Variants in NUDT7 observed in about 807,000 individuals in gnomAD.
NUDT7 encodes nudix hydrolase 7.
A neutral mutation model predicts 13.1 loss-of-function variants in NUDT7; 19 were observed. The observed-to-expected ratio is 1.45, with a 90% confidence interval of 1.01 to 2.13. The LOEUF is 2.13. NUDT7 is among the 30% of genes most tolerant of loss of function. The pLI is 0.00. For synonymous variants in NUDT7, 132 were observed against 109.7 expected (o/e 1.20, Z -1.27); for missense variants, 360 against 291.7 (o/e 1.23, Z -1.71).
chr16:77,739,281 G>T (rs1269288185), intron 3 of NUDT7, among the ~76,000 whole-genome samples: 2 of 152,318 alleles, frequency 1.3e-5, no homozygotes, highest in East Asian at 3.9e-4. Flanking sequence ...TGTGCTGCTG[G>T]TTGGCCATTT....
At chr16:77,737,448 T>C (rs2014521852) in intron 3 of NUDT7, 1 of 152,082 alleles carries the variant, frequency 6.6e-6, no homozygotes, top group African/African-American at 2.4e-5. Flanking sequence ...TCACACAGTA[T>C]CAGAGGTAGG....
intron 1 of NUDT7, 149 bp downstream of exon 1, chr16:77,722,766 G>A (rs999717697): frequency 2.8e-5 from 20 of 722,022 alleles, no homozygotes; most frequent in Non-Finnish European, 4.6e-5. Context: ...CTCGCCTCCA[G>A]CAACCCGCAG....
intron 3 of NUDT7, among the ~76,000 whole-genome samples, chr16:77,738,252 G>C (rs2014550945): frequency 6.6e-6 from 1 of 151,766 alleles, no homozygotes; most frequent in South Asian, 2.1e-4. Context: ...CTGTTCCCAA[G>C]GTCCCCAGGT....
intron 1 of NUDT7, 22 bp from the exon 2 acceptor site, chr16:77,725,409 G>T: frequency 6.2e-7 from 1 of 1,600,128 alleles, no homozygotes; most frequent in Non-Finnish European, 8.5e-7. Flanking sequence ...TAAAATGTCT[G>T]TCTGGTTTGT....
chr16:77,730,325 AC>A (rs2014282362), intron 2 of NUDT7, among the ~76,000 whole-genome samples: 1 of 152,120 alleles, frequency 6.6e-6, no homozygotes, highest in Non-Finnish European at 1.5e-5. Flanking sequence ...TCTACTCTCT[AC>A]TTCTCTGAGA....
At chr16:77,724,053 C>A (rs79358036) in intron 1 of NUDT7, among the ~76,000 whole-genome samples, 3,744 of 152,218 alleles carry the variant, frequency 0.025, 155 homozygotes, top group African/African-American at 0.083. Flanking sequence ...TAGAAATGGT[C>A]TCTCATGGCT....
chr16:77,722,612 A>G lies in NUDT7; in HGVS notation c.30A>G (p.Pro10=), dbSNP rs754380167. 6.3e-7 allele frequency: 1 copy of G among 1,593,822 alleles called. No homozygotes were observed. MSRLGLPEE[P]VRNSLLDDAK... Reference sequence around the variant, plus strand: ...CACGACTTGGTCTTCCCGAGGAGCCAGTCAGGTAAAGGCTTTCCGGGCCCT... The same window carrying G: ...CACGACTTGGTCTTCCCGAGGAGCCGGTCAGGTAAAGGCTTTCCGGGCCCT... Residue 10 remains proline, a synonymous_variant, in exon 1 of 4, where the codon CCA becomes CCG. Transcript: ENST00000268533.
intron 1 of NUDT7, among the ~76,000 whole-genome samples, chr16:77,724,148 C>A (rs936185342): frequency 6.6e-6 from 1 of 152,184 alleles, no homozygotes; most frequent in African/African-American, 2.4e-5. Flanking sequence ...CTTGCCTCTT[C>A]CAGTTTCTGG....
Position 77,727,102 on chromosome 16 carries a change from G to T in NUDT7, c.189+1518G>T, listed in dbSNP as rs541578826. 2.0e-5 allele frequency among the ~76,000 whole-genome samples: 3 copies of T among 152,196 alleles called. No homozygotes were observed. In the South Asian group the frequency reaches 6.2e-4, roughly 32 times the overall value. Reference sequence around the variant, plus strand: ...GTGAGAAATCTGCCCCTGTGATCCAGTCACCTCCAACCAGACCCCACCTCC... The same window carrying T: ...GTGAGAAATCTGCCCCTGTGATCCATTCACCTCCAACCAGACCCCACCTCC... On this transcript the variant is annotated intron_variant, in intron 2 of 3. Coordinates refer to ENST00000268533, the MANE Select transcript of NUDT7 (RefSeq NM_001105663.3).
chr16:77,730,949 G>T (rs547083189), intron 2 of NUDT7, among the ~76,000 whole-genome samples: 13 of 151,460 alleles, frequency 8.6e-5, no homozygotes, highest in African/African-American at 3.2e-4. Flanking sequence ...TATTGATATT[G>T]AGTTGAGTTC....
chr16:77,735,685 T>C (rs2014457394), intron 2 of NUDT7, 143 bp from the exon 3 acceptor site: 1 of 746,518 alleles, frequency 1.3e-6, no homozygotes. Flanking sequence ...AAAACACATT[T>C]GTGGGCAATA....
intron 2 of NUDT7, among the ~76,000 whole-genome samples, chr16:77,735,032 C>G (rs984680124): frequency 2.6e-5 from 4 of 152,124 alleles, no homozygotes; most frequent in Non-Finnish European, 5.9e-5. Flanking sequence ...TAGGACTGTT[C>G]TGAGGACCCA....
At chr16:77,739,907 A>G (rs1369800142) in intron 3 of NUDT7, among the ~76,000 whole-genome samples, 3 of 152,106 alleles carry the variant, frequency 2.0e-5, no homozygotes, top group Non-Finnish European at 4.4e-5. Context: ...CAAACTGCAT[A>G]TTAATTTACC....
chr16:77,740,522 T>TC lies in NUDT7; in HGVS notation c.349-1059dup, dbSNP rs1486911174. Among the ~76,000 whole-genome samples, 8 of 152,244 alleles carry TC rather than the reference T, an allele frequency of 5.3e-5. No homozygotes were observed. In the East Asian group the frequency reaches 1.5e-3, roughly 29 times the overall value. On this transcript the variant is annotated intron_variant, in intron 3 of 3. Transcript: ENST00000268533. The stretch of plus-strand genomic sequence containing the variant: ...GTCTTTCATTTGACAACACTCATGT[T>TC]CATTTGCTTTTTTACTTTTATATAT...
chr16:77,724,000 G>A (rs1597109162), intron 1 of NUDT7, among the ~76,000 whole-genome samples: 1 of 152,218 alleles, frequency 6.6e-6, no homozygotes, highest in East Asian at 1.9e-4. Flanking sequence ...CCTTTTCTAG[G>A]GCTGCCATAA....
At chr16:77,728,141 G>C (rs1298892108) in intron 2 of NUDT7, among the ~76,000 whole-genome samples, 1 of 152,128 alleles carries the variant, frequency 6.6e-6, no homozygotes, top group African/African-American at 2.4e-5. Flanking sequence ...GCGCTGGTAG[G>C]AGATTTCCCC....
intron 2 of NUDT7, chr16:77,735,593 T>C (rs1037106761): frequency 5.2e-6 from 3 of 581,952 alleles, no homozygotes; most frequent in Non-Finnish European, 9.2e-6. Context: ...TAATACAGTG[T>C]GTGGTATCTT....
At chr16:77,739,681 A>T (rs975599357) in intron 3 of NUDT7, among the ~76,000 whole-genome samples, 2 of 152,116 alleles carry the variant, frequency 1.3e-5, no homozygotes, top group South Asian at 4.1e-4. Flanking sequence ...CCCAGCCCCT[A>T]TTCAAGATGG....
At chr16:77,726,907 A>T (rs1225440704) in intron 2 of NUDT7, among the ~76,000 whole-genome samples, 1 of 152,130 alleles carries the variant, frequency 6.6e-6, no homozygotes, top group Admixed American at 6.6e-5. Flanking sequence ...TGACACAGGC[A>T]TCTGCTCAGT....
Sources: gnomAD v4.1 joint callset for allele counts (sites outside exome capture counted in the v4.1 genomes callset) on GRCh38, gnomAD v4.1.1 for gene constraint, MANE v1.5 for transcripts, NCBI Gene and HGNC (gene_info 2026-07-23, HGNC 2026-07-21) for gene names.